The following GRM1 variants were observed in gnomAD, a reference collection of about 807,000 sequenced individuals.
GRM1 encodes the protein metabotropic glutamate receptor 1.
In GRM1, 33 loss-of-function variants were observed where a neutral mutation model predicts 90.9. The ratio of observed to expected loss-of-function variants is 0.36; its 90% CI spans 0.28 to 0.49. GRM1 has a LOEUF of 0.49. Ranked by LOEUF, GRM1 falls within the 20% of genes least tolerant of loss-of-function variation. GRM1 has a pLI of 0.99. For missense variants in GRM1, 1,190 were observed against 1,534.3 expected (o/e 0.78, Z 3.75); for synonymous variants, 700 against 613.2 (o/e 1.14, Z -2.09).
At chr6:146,236,714 G>A (rs1780658746) in intron 2 of GRM1, among the ~76,000 whole-genome samples, 1 of 152,132 alleles carries the variant, frequency 6.6e-6, no homozygotes, top group Non-Finnish European at 1.5e-5. Flanking sequence ...CCTTAAGGAT[G>A]ATGATATTTT....
At chr6:146,314,638 G>A (rs1470794240) in intron 3 of GRM1, among the ~76,000 whole-genome samples, 1 of 152,108 alleles carries the variant, frequency 6.6e-6, no homozygotes, top group Non-Finnish European at 1.5e-5. Context: ...TGGGAAAATA[G>A]CATCACAAAG....
intron 1 of GRM1, among the ~76,000 whole-genome samples, chr6:146,143,564 C>T (rs1453910984): frequency 6.6e-6 from 1 of 152,076 alleles, no homozygotes; most frequent in South Asian, 2.1e-4. Flanking sequence ...TATCTTGTTC[C>T]CTGTTTTTCA....
At chr6:146,290,355 AACTGACAGCTCTG>A (rs1168139909) in intron 2 of GRM1, among the ~76,000 whole-genome samples, 3 of 152,198 alleles carry the variant, frequency 2.0e-5, no homozygotes, top group Non-Finnish European at 4.4e-5. Context: ...CAACGTAAAA[AACTGACAGCTCTG>A]ACTGAAAGGG....
chr6:146,165,566 T>A (rs989362887), intron 2 of GRM1, among the ~76,000 whole-genome samples: 3 of 152,164 alleles, frequency 2.0e-5, no homozygotes, highest in Admixed American at 6.6e-5. Flanking sequence ...ATAATGGTCA[T>A]GACTTACAGA....
intron 2 of GRM1, among the ~76,000 whole-genome samples, chr6:146,252,957 G>A (rs1420015446): frequency 6.7e-6 from 1 of 149,942 alleles, no homozygotes; most frequent in African/African-American, 2.5e-5. Context: ...CTACTCAGGA[G>A]GCTGAGGCAA....
At chr6:146,382,799 C>A (rs1437236676) in intron 5 of GRM1, among the ~76,000 whole-genome samples, 1 of 152,048 alleles carries the variant, frequency 6.6e-6, no homozygotes, top group African/African-American at 2.4e-5. Context: ...CATTTATTGG[C>A]TGTGTGTTAT....
chr6:146,352,402 G>C lies in GRM1; in HGVS notation c.1339G>C (p.Gly447Arg). The C allele has an allele frequency of 1.2e-6, 2 of 1,614,034 alleles. No homozygotes were observed. Among genetic ancestry groups the C allele is most frequent in the Non-Finnish European group, 8.5e-7 (1 of 1,179,896 alleles). The change falls in exon 4 of 8, where the codon GGC becomes CGC. Residue 447 changes from glycine (G) to arginine (R), a missense_variant. Coordinates refer to ENST00000282753, the MANE Select transcript of GRM1 (RefSeq NM_001278064.2). ...CTGCGATGCCATGAAGCCCATCGACGGCAGCAAGCTGCTGGACTTCCTCAT... is the reference window on the plus strand; with the variant it reads ...CTGCGATGCCATGAAGCCCATCGACCGCAGCAAGCTGCTGGACTTCCTCAT... ...GLCDAMKPID[G>R]SKLLDFLIKS...
chr6:146,176,048 G>C (rs1198906883), intron 2 of GRM1, among the ~76,000 whole-genome samples: 2 of 151,954 alleles, frequency 1.3e-5, no homozygotes, highest in African/African-American at 4.8e-5. Context: ...CATGATAAGG[G>C]CACAGTTTTG....
chr6:146,209,810 T>C (rs926305677), intron 2 of GRM1, among the ~76,000 whole-genome samples: 1 of 152,206 alleles, frequency 6.6e-6, no homozygotes, highest in African/African-American at 2.4e-5. Context: ...GTAGATACTT[T>C]ACTTTCAAAA....
At chr6:146,413,153 T>C (rs187944688) in intron 7 of GRM1, among the ~76,000 whole-genome samples, 1 of 152,294 alleles carries the variant, frequency 6.6e-6, no homozygotes, top group Admixed American at 6.5e-5. Flanking sequence ...TTGCTGGATA[T>C]AATTCAGGGT....
chr6:146,297,978 G>A (rs143614020), intron 2 of GRM1, among the ~76,000 whole-genome samples: 1 of 152,054 alleles, frequency 6.6e-6, no homozygotes, highest in Non-Finnish European at 1.5e-5. Flanking sequence ...TGGTGCTGAA[G>A]AATTATTCTT....
intron 1 of GRM1, among the ~76,000 whole-genome samples, chr6:146,109,609 T>G (rs1775470006): frequency 6.6e-6 from 1 of 152,186 alleles, no homozygotes; most frequent in Admixed American, 6.5e-5. Context: ...GAGTCACTAC[T>G]GTGGCACCGC....
chr6:146,423,967 A>G (rs1407528371), intron 7 of GRM1, among the ~76,000 whole-genome samples: 1 of 152,142 alleles, frequency 6.6e-6, no homozygotes, highest in Non-Finnish European at 1.5e-5. Context: ...GTGTGGGGCA[A>G]ATGAAGTCCC....
At chr6:146,347,553 C>A (rs1583361956) in intron 3 of GRM1, among the ~76,000 whole-genome samples, 3 of 151,960 alleles carry the variant, frequency 2.0e-5, no homozygotes, top group Non-Finnish European at 4.4e-5. Context: ...ATACTAGCAA[C>A]AAACAATTAA....
chr6:146,115,881 T>C (rs1318187607), intron 1 of GRM1, among the ~76,000 whole-genome samples: 3 of 152,228 alleles, frequency 2.0e-5, no homozygotes, highest in Admixed American at 2.0e-4. Context: ...TTGATTTTCC[T>C]TTGATATTTA....
chr6:146,049,518 G>T (rs1791447735), intron 1 of GRM1, among the ~76,000 whole-genome samples: 1 of 151,924 alleles, frequency 6.6e-6, no homozygotes, highest in Non-Finnish European at 1.5e-5. Flanking sequence ...CAGCTTCCCT[G>T]GTTCTCAGGC....
intron 3 of GRM1, among the ~76,000 whole-genome samples, chr6:146,325,154 G>T (rs1784360178): frequency 6.6e-6 from 1 of 152,164 alleles, no homozygotes; most frequent in Admixed American, 6.5e-5. Context: ...ACTGTCCTGA[G>T]TTTCATGTTT....
At chr6:146,091,276 A>G (rs1262149162) in intron 1 of GRM1, among the ~76,000 whole-genome samples, 5 of 152,118 alleles carry the variant, frequency 3.3e-5, no homozygotes, top group Non-Finnish European at 7.4e-5. Context: ...GGCAAAGAGT[A>G]CCTTTTCAGG....
At chr6:146,140,283 T>A (rs1776822776) in intron 1 of GRM1, among the ~76,000 whole-genome samples, 1 of 151,590 alleles carries the variant, frequency 6.6e-6, no homozygotes, top group Admixed American at 6.6e-5. Context: ...TTATTATTAT[T>A]TTTTGAGACA....
Sources: allele counts gnomAD v4.1 joint callset (sites outside exome capture counted in the v4.1 genomes callset), GRCh38; gene constraint gnomAD v4.1.1; transcripts MANE v1.5; gene names NCBI Gene and HGNC (gene_info 2026-07-23, HGNC 2026-07-21).